The following COL21A1 variants were observed in gnomAD, a reference collection of about 807,000 sequenced individuals.
COL21A1 encodes collagen alpha-1(XXI) chain.
COL21A1 carries 149 observed loss-of-function variants against 137.9 expected under a neutral mutation model. The ratio of observed to expected loss-of-function variants is 1.08; its 90% CI spans 0.95 to 1.24. The LOEUF (loss-of-function observed/expected upper bound fraction) is 1.24. Ranked by LOEUF, COL21A1 falls within the 50% of genes most tolerant of loss-of-function variation. The pLI is 0.00. For missense variants in COL21A1, 1,167 were observed against 1,158.4 expected (o/e 1.01, Z -0.11); for synonymous variants, 456 against 391.5 (o/e 1.16, Z -1.95).
intron 1 of COL21A1, among the ~76,000 whole-genome samples, chr6:56,335,182 T>C (rs1450743300): frequency 6.6e-6 from 1 of 152,150 alleles, no homozygotes; most frequent in Non-Finnish European, 1.5e-5. Context: ...GTTGGACCAC[T>C]GGTTGGTGCA....
At chr6:56,331,372 G>C (rs1024328380) in intron 1 of COL21A1, among the ~76,000 whole-genome samples, 18 of 152,032 alleles carry the variant, frequency 1.2e-4, no homozygotes, top group Admixed American at 6.6e-4. Context: ...GTCCAGAAGA[G>C]TTGTTCCTAG....
At chr6:56,171,673 C>T (rs767688537) in intron 3 of COL21A1, among the ~76,000 whole-genome samples, 35 of 151,918 alleles carry the variant, frequency 2.3e-4, no homozygotes, top group Non-Finnish European at 4.6e-4. Flanking sequence ...GCTCAAATAT[C>T]ATTAGTCTGT....
At chr6:56,163,439 G>C (rs186557148) in intron 9 of COL21A1, among the ~76,000 whole-genome samples, 1 of 152,152 alleles carries the variant, frequency 6.6e-6, no homozygotes, top group East Asian at 1.9e-4. Flanking sequence ...TGCTGGGCGC[G>C]GTGGCTCACG....
intron 1 of COL21A1, among the ~76,000 whole-genome samples, chr6:56,198,347 G>A (rs1021071396): frequency 2.0e-5 from 3 of 152,056 alleles, no homozygotes; most frequent in African/African-American, 7.2e-5. Context: ...TTAGCTGAGA[G>A]AATAGATCTC....
chr6:56,313,998 T>G (rs541474911), intron 1 of COL21A1, among the ~76,000 whole-genome samples: 192 of 152,302 alleles, frequency 1.3e-3, no homozygotes, highest in African/African-American at 2.7e-3. Flanking sequence ...GGTATATATA[T>G]AGAGAGAGAC....
At chr6:56,166,795 AT>A in intron 7 of COL21A1, 110 bp downstream of exon 7, 1 of 854,964 alleles carries the variant, frequency 1.2e-6, no homozygotes, top group South Asian at 1.5e-5. Context: ...ACATTAAAAA[AT>A]AAAATTAAGT....
intron 1 of COL21A1, among the ~76,000 whole-genome samples, chr6:56,240,769 G>C (rs999132180): frequency 3.3e-5 from 5 of 152,098 alleles, no homozygotes; most frequent in Non-Finnish European, 5.9e-5. Flanking sequence ...TTGGTGGCAG[G>C]CTGGATGAGA....
chr6:56,173,722 A>G (rs185723452), intron 3 of COL21A1, among the ~76,000 whole-genome samples: 20 of 152,296 alleles, frequency 1.3e-4, no homozygotes, highest in Admixed American at 1.3e-3. Context: ...ACATATACAG[A>G]ACTGAAGGGA....
intron 1 of COL21A1, among the ~76,000 whole-genome samples, chr6:56,263,881 C>A (rs373982726): frequency 6.6e-6 from 1 of 152,060 alleles, no homozygotes. Flanking sequence ...TAATCCTGCA[C>A]ACAACATAAA....
At chr6:56,128,585 G>A (rs1773238684) in intron 12 of COL21A1, among the ~76,000 whole-genome samples, 1 of 152,160 alleles carries the variant, frequency 6.6e-6, no homozygotes, top group South Asian at 2.1e-4. Context: ...ACCGCATTCT[G>A]GAGGCCACGT....
At chr6:56,067,828 T>C (rs956222598) in intron 22 of COL21A1, among the ~76,000 whole-genome samples, 1 of 151,714 alleles carries the variant, frequency 6.6e-6, no homozygotes, top group Non-Finnish European at 1.5e-5. Flanking sequence ...AAATAAGTTT[T>C]ATAGATTATC....
intron 16 of COL21A1, among the ~76,000 whole-genome samples, chr6:56,120,597 G>A (rs1378530295): frequency 1.3e-5 from 2 of 152,068 alleles, no homozygotes; most frequent in Non-Finnish European, 2.9e-5. Flanking sequence ...AGGAATTCGA[G>A]AACAGCCTTG....
intron 1 of COL21A1, among the ~76,000 whole-genome samples, chr6:56,264,674 A>G (rs1397146566): frequency 1.3e-5 from 2 of 152,100 alleles, no homozygotes; most frequent in East Asian, 3.9e-4. Context: ...CATATCAAAA[A>G]CTGAATTTAT....
intron 1 of COL21A1, among the ~76,000 whole-genome samples, chr6:56,243,404 A>C (rs1225072975): frequency 6.6e-6 from 1 of 152,188 alleles, no homozygotes; most frequent in African/African-American, 2.4e-5. Context: ...TTTTCTGAGA[A>C]ACTTTAAGTA....
chr6:56,305,285 C>T (rs1000176769), intron 1 of COL21A1, among the ~76,000 whole-genome samples: 3 of 152,004 alleles, frequency 2.0e-5, no homozygotes, highest in South Asian at 2.1e-4. Flanking sequence ...TCCTGCATAT[C>T]CTTGTCAACT....
intron 9 of COL21A1, among the ~76,000 whole-genome samples, chr6:56,158,262 TTTTC>T: frequency 8.4e-6 from 1 of 119,754 alleles, no homozygotes; most frequent in African/African-American, 3.5e-5. Context: ...TCTTTTTTTT[TTTTC>T]TTTTTTTTTT....
At chr6:56,371,069 G>T (rs1214109184) in intron 1 of COL21A1, among the ~76,000 whole-genome samples, 1 of 152,156 alleles carries the variant, frequency 6.6e-6, no homozygotes, top group African/African-American at 2.4e-5. Context: ...CACAACTTCT[G>T]CTCACCAGTT....
At chr6:56,296,502 G>A (rs1054025419) in intron 1 of COL21A1, among the ~76,000 whole-genome samples, 31 of 151,870 alleles carry the variant, frequency 2.0e-4, no homozygotes, top group Non-Finnish European at 3.7e-4. Context: ...AAAGTATTAC[G>A]TTCCCTCTCA....
chr6:56,080,433 G>A (rs1478657363), intron 17 of COL21A1, among the ~76,000 whole-genome samples: 1 of 151,726 alleles, frequency 6.6e-6, no homozygotes, highest in Middle Eastern at 3.2e-3. Context: ...AACCACTGCT[G>A]TACAACAAAC....
Sources: allele counts gnomAD v4.1 joint callset (sites outside exome capture counted in the v4.1 genomes callset), GRCh38; gene constraint gnomAD v4.1.1; transcripts MANE v1.5; gene names NCBI Gene and HGNC (gene_info 2026-07-23, HGNC 2026-07-21).